Variants in AK5 observed in about 807,000 individuals in gnomAD.
AK5 encodes the protein adenylate kinase 5.
Under a neutral mutation model 69.5 loss-of-function variants are expected in AK5, and 27 were observed. The ratio of observed to expected loss-of-function variants is 0.39; its 90% confidence interval spans 0.29 to 0.54. The LOEUF (loss-of-function observed/expected upper bound fraction) is 0.54, where lower values mean the gene tolerates loss of function less well. AK5 is among the 20% of genes least tolerant of loss of function. The probability of loss-of-function intolerance (pLI) is 0.71; values close to 1 mark genes in which losing one functional copy is unlikely to be tolerated. For synonymous variants in AK5, 260 were observed against 244.4 expected, an observed-to-expected ratio of 1.06 and a Z score of -0.60; for missense variants, 531 against 700.4, an observed-to-expected ratio of 0.76 and a Z score of 2.73.
chr1:77,491,798 T>G (rs774975689), intron 10 of AK5, among the ~76,000 whole-genome samples: 1 of 152,218 alleles, frequency 6.6e-6, no homozygotes, highest in Non-Finnish European at 1.5e-5. Flanking sequence ...TAATGTTATC[T>G]TATTGAATGC....
At chr1:77,383,024 G>A (rs1647757935) in intron 6 of AK5, among the ~76,000 whole-genome samples, 1 of 152,068 alleles carries the variant, frequency 6.6e-6, no homozygotes, top group Admixed American at 6.5e-5. Flanking sequence ...TAAATAAAGT[G>A]TATCCCTAGA....
intron 8 of AK5, among the ~76,000 whole-genome samples, chr1:77,435,673 T>C (rs1651916139): frequency 6.6e-6 from 1 of 150,836 alleles, no homozygotes; most frequent in Admixed American, 6.6e-5. Flanking sequence ...AGCTGCAGTT[T>C]AGAAGATGGC....
At chr1:77,288,653 C>T (rs775318727) in intron 2 of AK5, among the ~76,000 whole-genome samples, 1 of 152,072 alleles carries the variant, frequency 6.6e-6, no homozygotes, top group Non-Finnish European at 1.5e-5. Flanking sequence ...ATGCAGAAGT[C>T]AATGATATGA....
At chr1:77,506,246 TGG>T (rs1657018059) in intron 10 of AK5, among the ~76,000 whole-genome samples, 2 of 151,850 alleles carry the variant, frequency 1.3e-5, no homozygotes, top group African/African-American at 4.8e-5. Flanking sequence ...GTTGGTTGGT[TGG>T]TTGGTTGTTT....
intron 5 of AK5, among the ~76,000 whole-genome samples, chr1:77,325,273 G>A (rs1026196235): frequency 1.3e-5 from 2 of 151,154 alleles, no homozygotes; most frequent in Non-Finnish European, 2.9e-5. Context: ...CCAAAGTGTT[G>A]GGATTACAGG....
chr1:77,513,927 CAAA>C (rs1657494842), intron 10 of AK5, among the ~76,000 whole-genome samples: 1 of 152,172 alleles, frequency 6.6e-6, no homozygotes, highest in Non-Finnish European at 1.5e-5. Flanking sequence ...TTCTACTTCT[CAAA>C]GAACACCAGG....
At chr1:77,447,157 C>T (rs1570148337) in intron 8 of AK5, among the ~76,000 whole-genome samples, 1 of 152,372 alleles carries the variant, frequency 6.6e-6, no homozygotes, top group African/African-American at 2.4e-5. Flanking sequence ...CAATTCCTGG[C>T]TATCTCCATT....
intron 6 of AK5, among the ~76,000 whole-genome samples, chr1:77,408,493 A>C (rs2100564244): frequency 6.6e-6 from 1 of 151,720 alleles, no homozygotes; most frequent in Middle Eastern, 3.4e-3. Context: ...TTGCTTGTTG[A>C]ATTGTTTAAG....
chr1:77,298,098 T>C (rs1333087177), intron 5 of AK5, 151 bp downstream of exon 5: 7 of 442,442 alleles, frequency 1.6e-5, no homozygotes, highest in Non-Finnish European at 2.3e-5. Flanking sequence ...TGGCAGAAGG[T>C]CATTTCTTTG....
At chr1:77,489,324 G>A (rs1655830410) in intron 10 of AK5, among the ~76,000 whole-genome samples, 2 of 151,862 alleles carry the variant, frequency 1.3e-5, no homozygotes, top group African/African-American at 2.4e-5. Context: ...CACTCTTCTA[G>A]TAAAAGAGAT....
At chr1:77,479,681 A>G (rs141838893) in intron 8 of AK5, among the ~76,000 whole-genome samples, 62 of 152,250 alleles carry the variant, frequency 4.1e-4, no homozygotes, top group East Asian at 3.9e-3. Context: ...AGTTCAGAAG[A>G]TTTAGTATCC....
At chr1:77,540,151 A>G (rs1659189816) in intron 13 of AK5, among the ~76,000 whole-genome samples, 1 of 152,226 alleles carries the variant, frequency 6.6e-6, no homozygotes, top group Admixed American at 6.5e-5. Flanking sequence ...AATTTCAAAC[A>G]AAGATAATTT....
intron 8 of AK5, among the ~76,000 whole-genome samples, chr1:77,471,117 C>T (rs1372959013): frequency 6.6e-6 from 1 of 151,340 alleles, no homozygotes; most frequent in Non-Finnish European, 1.5e-5. Flanking sequence ...CTCCTGACCT[C>T]GTGATCCACC....
At chr1:77,355,463 C>A (rs1250264045) in intron 6 of AK5, among the ~76,000 whole-genome samples, 2 of 152,140 alleles carry the variant, frequency 1.3e-5, no homozygotes, top group Non-Finnish European at 2.9e-5. Context: ...AAATTTTCCT[C>A]TGTTACTTGT....
intron 8 of AK5, among the ~76,000 whole-genome samples, chr1:77,475,173 A>G (rs1654771488): frequency 1.3e-4 from 2 of 15,804 alleles, no homozygotes; most frequent in Non-Finnish European, 4.8e-4. Context: ...GCATGTATAT[A>G]TATATATATA....
intron 12 of AK5, among the ~76,000 whole-genome samples, chr1:77,528,895 CCTT>C (rs1011961202): frequency 1.3e-5 from 2 of 152,046 alleles, no homozygotes; most frequent in Non-Finnish European, 2.9e-5. Context: ...TTGTAGATCT[CCTT>C]CTCCTCTTCT....
chr1:77,459,375 G>T (rs1311454172), intron 8 of AK5, among the ~76,000 whole-genome samples: 1 of 152,056 alleles, frequency 6.6e-6, no homozygotes, highest in Non-Finnish European at 1.5e-5. Context: ...CAGTTTTGGG[G>T]TTTGTCTTTG....
At chr1:77,496,117 G>A (rs1022013342) in intron 10 of AK5, among the ~76,000 whole-genome samples, 2 of 152,318 alleles carry the variant, frequency 1.3e-5, no homozygotes, top group South Asian at 2.1e-4. Flanking sequence ...TGGGGAGCAA[G>A]ACTGAAGTAG....
chr1:77,445,934 G>T (rs1652724300), intron 8 of AK5, among the ~76,000 whole-genome samples: 1 of 152,100 alleles, frequency 6.6e-6, no homozygotes, highest in Admixed American at 6.6e-5. Context: ...TTTTTAGTTT[G>T]ATGTAGTTCC....
Sources: gnomAD v4.1 joint callset for allele counts (sites outside exome capture counted in the v4.1 genomes callset) on GRCh38, gnomAD v4.1.1 for gene constraint, MANE v1.5 for transcripts, NCBI Gene and HGNC (gene_info 2026-07-23, HGNC 2026-07-21) for gene names.